Variants in CSMD1 observed in about 807,000 individuals in gnomAD.
CSMD1 encodes CUB and Sushi multiple domains 1, also known as CUB and sushi domain-containing protein 1.
CSMD1 carries 213 observed loss-of-function variants against 417.5 expected under a neutral mutation model. The observed-to-expected ratio is 0.51, with a 90% confidence interval of 0.46 to 0.57. The LOEUF is 0.57. CSMD1 is among the 20% of genes least tolerant of loss of function. The pLI is 0.00. For missense variants in CSMD1, 6,923 were observed against 4,529.7 expected (o/e 1.53, Z -15.17); for synonymous variants, 2,862 against 1,736.8 (o/e 1.65, Z -16.11).
intron 1 of CSMD1, among the ~76,000 whole-genome samples, chr8:4,711,692 T>A (rs1808309443): frequency 6.6e-6 from 1 of 152,162 alleles, no homozygotes; most frequent in East Asian, 1.9e-4. Context: ...TCCATTAAAG[T>A]CTTTGAGTCT....
chr8:4,968,625 TG>T (rs1458529330), intron 1 of CSMD1, among the ~76,000 whole-genome samples: 3 of 152,160 alleles, frequency 2.0e-5, no homozygotes, highest in Non-Finnish European at 4.4e-5. Flanking sequence ...CCTCCCTCAG[TG>T]CTGATTTCAA....
At chr8:3,962,840 T>A (rs976774803) in intron 5 of CSMD1, among the ~76,000 whole-genome samples, 1 of 152,214 alleles carries the variant, frequency 6.6e-6, no homozygotes, top group African/African-American at 2.4e-5. Context: ...CATGTTGTGA[T>A]AAAACAGACA....
intron 7 of CSMD1, among the ~76,000 whole-genome samples, chr8:3,681,152 C>A (rs912361472): frequency 1.5e-4 from 23 of 152,154 alleles, no homozygotes; most frequent in African/African-American, 5.1e-4. Context: ...CCTCTTTCAC[C>A]ACTCCTATTC....
intron 10 of CSMD1, among the ~76,000 whole-genome samples, chr8:3,513,419 C>G (rs1004258550): frequency 6.6e-5 from 10 of 151,586 alleles, no homozygotes; most frequent in African/African-American, 2.4e-4. Context: ...CTCTGCCTCC[C>G]AGGATCAAGC....
At chr8:4,100,414 T>C (rs934491295) in intron 3 of CSMD1, among the ~76,000 whole-genome samples, 4 of 152,188 alleles carry the variant, frequency 2.6e-5, no homozygotes, top group Non-Finnish European at 5.9e-5. Context: ...CCAACTACTC[T>C]GTAGCCCGTT....
intron 4 of CSMD1, among the ~76,000 whole-genome samples, chr8:4,004,706 C>T (rs1025787944): frequency 4.2e-4 from 64 of 151,916 alleles, no homozygotes; most frequent in Non-Finnish European, 5.9e-5. Flanking sequence ...ACAAAGTTGA[C>T]CTGGATGAGA....
intron 1 of CSMD1, among the ~76,000 whole-genome samples, chr8:4,813,494 C>A (rs1421477147): frequency 6.6e-6 from 1 of 152,154 alleles, no homozygotes; most frequent in African/African-American, 2.4e-5. Flanking sequence ...CAGAAGCTGT[C>A]TGATTTGCTT....
intron 3 of CSMD1, among the ~76,000 whole-genome samples, chr8:4,379,600 T>A (rs187013332): frequency 6.6e-6 from 1 of 152,268 alleles, no homozygotes; most frequent in East Asian, 1.9e-4. Flanking sequence ...AACTGAAAAA[T>A]GTTTGCAAGG....
intron 2 of CSMD1, among the ~76,000 whole-genome samples, chr8:4,423,031 C>G (rs1284393866): frequency 6.6e-6 from 1 of 151,874 alleles, no homozygotes; most frequent in Admixed American, 6.6e-5. Flanking sequence ...TCTTCTCCAA[C>G]TTGACAAAGA....
chr8:4,398,951 G>T (rs35532156), intron 3 of CSMD1, among the ~76,000 whole-genome samples: 1 of 152,226 alleles, frequency 6.6e-6, no homozygotes, highest in African/African-American at 2.4e-5. Context: ...TCTTGAGAAT[G>T]TTTTTTAAAA....
chr8:4,393,015 A>AT (rs768011231), intron 3 of CSMD1, among the ~76,000 whole-genome samples: 26 of 152,146 alleles, frequency 1.7e-4, no homozygotes, highest in Non-Finnish European at 3.5e-4. Flanking sequence ...TCACTCTGTC[A>AT]TCCAGGCTGG....
At chr8:3,058,984 T>G (rs918365692) in intron 49 of CSMD1, among the ~76,000 whole-genome samples, 3 of 152,000 alleles carry the variant, frequency 2.0e-5, no homozygotes, top group African/African-American at 7.2e-5. Flanking sequence ...GAAGGTGTGA[T>G]GTTGGATGTT....
intron 1 of CSMD1, among the ~76,000 whole-genome samples, chr8:4,756,434 C>T (rs535661975): frequency 3.3e-5 from 5 of 152,274 alleles, no homozygotes; most frequent in East Asian, 1.9e-4. Context: ...CATGACAGTC[C>T]AGTTTCCTAA....
At chr8:3,660,179 G>A (rs1441384124) in intron 7 of CSMD1, among the ~76,000 whole-genome samples, 1 of 152,148 alleles carries the variant, frequency 6.6e-6, no homozygotes, top group East Asian at 1.9e-4. Flanking sequence ...ATACTGCAGT[G>A]GTTTAGAGTG....
At chr8:3,390,933 T>C (rs1347166891) in intron 17 of CSMD1, among the ~76,000 whole-genome samples, 1 of 152,060 alleles carries the variant, frequency 6.6e-6, no homozygotes, top group Non-Finnish European at 1.5e-5. Context: ...AAAGTCACAG[T>C]TGATAAAGCC....
intron 1 of CSMD1, among the ~76,000 whole-genome samples, chr8:4,950,144 C>T (rs1050836911): frequency 2.6e-5 from 4 of 152,018 alleles, no homozygotes; most frequent in African/African-American, 9.7e-5. Context: ...TGTCTATGTT[C>T]CCATGTAGCA....
chr8:4,086,071 A>G (rs558558174), intron 3 of CSMD1, among the ~76,000 whole-genome samples: 73 of 152,224 alleles, frequency 4.8e-4, no homozygotes, highest in African/African-American at 1.8e-3. Context: ...CAACAAACGT[A>G]TTTTTTCCAT....
intron 11 of CSMD1, among the ~76,000 whole-genome samples, chr8:3,471,583 C>T (rs1364375388): frequency 7.0e-6 from 1 of 143,494 alleles, no homozygotes; most frequent in Non-Finnish European, 1.5e-5. Flanking sequence ...TTCCTCTCTC[C>T]TTCCTTCCCT....
At chr8:4,033,155 A>AC (rs1400884086) in intron 3 of CSMD1, among the ~76,000 whole-genome samples, 2 of 143,338 alleles carry the variant, frequency 1.4e-5, no homozygotes, top group African/African-American at 2.5e-5. Context: ...AAAAAAAAAA[A>AC]CCTGGCCAGG....
Sources: gnomAD v4.1 joint callset for allele counts (sites outside exome capture counted in the v4.1 genomes callset) on GRCh38, gnomAD v4.1.1 for gene constraint, MANE v1.5 for transcripts, NCBI Gene and HGNC (gene_info 2026-07-23, HGNC 2026-07-21) for gene names.